Variants in DDC observed in about 807,000 individuals in gnomAD.
DDC encodes the protein aromatic-L-amino-acid decarboxylase.
A neutral mutation model predicts 60.0 loss-of-function variants in DDC; 43 were observed. That is an observed-to-expected ratio of 0.72 (90% confidence interval 0.56 to 0.92). The LOEUF (loss-of-function observed/expected upper bound fraction) is 0.92, where lower values mean the gene tolerates loss of function less well. DDC is among the 40% of genes least tolerant of loss of function. The probability of loss-of-function intolerance (pLI) is 0.00; values close to 1 mark genes in which losing one functional copy is unlikely to be tolerated. For synonymous variants in DDC, 232 were observed against 234.6 expected, an observed-to-expected ratio of 0.99 and a Z score of 0.10; for missense variants, 573 against 620.2, an observed-to-expected ratio of 0.92 and a Z score of 0.81.
chr7:50,499,088 G>C, intron 8 of DDC, 60 bp downstream of exon 8: 2 of 1,275,368 alleles, frequency 1.6e-6, no homozygotes, highest in Non-Finnish European at 2.3e-6. Context: ...CTCATGAAGG[G>C]AGAGGTCAAT....
intron 6 of DDC, among the ~76,000 whole-genome samples, chr7:50,508,695 A>G (rs1243214496): frequency 3.9e-5 from 6 of 152,210 alleles, no homozygotes; most frequent in African/African-American, 1.4e-4. Context: ...GAATATAATG[A>G]AGACCATGTG....
rs2042460966 is a variant in DDC, at chr7:50,468,876, G to A, written c.1140+1197C>T. On this transcript the variant is annotated intron_variant, in intron 12 of 14. Transcript: ENST00000444124. ...AACAGCAGCAGGCCTTCTGCAGCTG[G>A]CTAAACGGGTGGCTCTAGGCAGATC... 2.0e-5 allele frequency among the ~76,000 whole-genome samples: 3 copies of A among 151,890 alleles called. No homozygotes were observed. In the South Asian group the frequency reaches 6.2e-4, roughly 32 times the overall value.
chr7:50,510,578 A>T (rs1195543957), intron 6 of DDC, among the ~76,000 whole-genome samples: 1 of 151,146 alleles, frequency 6.6e-6, no homozygotes. Context: ...CTGAGGCAGG[A>T]GAATCACTTG....
chr7:50,473,852 C>T (rs760882883), intron 11 of DDC, among the ~76,000 whole-genome samples: 4 of 152,220 alleles, frequency 2.6e-5, no homozygotes, highest in Non-Finnish European at 4.4e-5. Context: ...GCTGGAGGAT[C>T]GAGGTGTCTC....
Position 50,529,196 on chromosome 7 carries a change from C to A in DDC, c.570+12G>T. ...CTTGAAGTCTTGGCTGATACCCCCA[C>A]AACACACTCACCTGATCGGATGAGT... is the stretch of plus-strand genomic sequence containing the variant. On this transcript the variant is annotated intron_variant, in intron 5 of 14. Transcript: ENST00000444124. 2 of 1,612,854 alleles carry A rather than the reference C, an allele frequency of 1.2e-6. No homozygotes were observed. The highest frequency in any genetic ancestry group is 2.2e-5 in the East Asian group (1 of 44,866).
At chr7:50,548,279 C>A (rs1232526000) in intron 1 of DDC, among the ~76,000 whole-genome samples, 1 of 152,160 alleles carries the variant, frequency 6.6e-6, no homozygotes, top group African/African-American at 2.4e-5. Flanking sequence ...GTATGTCTCT[C>A]ACTTTAAATC....
At chr7:50,515,162 G>T (rs1022225792) in intron 6 of DDC, among the ~76,000 whole-genome samples, 5 of 152,196 alleles carry the variant, frequency 3.3e-5, no homozygotes, top group Middle Eastern at 3.2e-3. Context: ...TGAGACAGAA[G>T]CACCAGGTTA....
chr7:50,509,477 A>G (rs909226783), intron 6 of DDC, among the ~76,000 whole-genome samples: 3 of 152,218 alleles, frequency 2.0e-5, no homozygotes, highest in African/African-American at 7.2e-5. Flanking sequence ...CCCTCGGCCC[A>G]ACTTGCTCCA....
rs369999509 is a variant in DDC, at chr7:50,499,290, C to T, written c.782-48G>A. 359 of 1,352,292 alleles carry T rather than the reference C, an allele frequency of 2.7e-4. 1 individual carries two copies. The African/African-American group carries it at 3.4e-3, about 13-fold the overall frequency. The allele number at this position is 1,352,292 out of a possible 1,614,324, so 83.8% of individuals were successfully genotyped here. A position where few individuals can be genotyped will look rare whatever the true frequency, so the allele number is the denominator to read the frequency against. The stretch of plus-strand genomic sequence containing the variant: ...GAGTCCCCAGATGGATGCCTCACCA[C>T]GGAGCCTGCCAGCTGACCTCGCCCT... On this transcript the variant is annotated intron_variant, in intron 7 of 14. Transcript: ENST00000444124.
At chr7:50,466,258 G>T (rs11575534) in intron 13 of DDC, among the ~76,000 whole-genome samples, 77,201 of 151,866 alleles carry the variant, frequency 0.51, 20,130 homozygotes, top group Admixed American at 0.6. Context: ...GAGAGGCTGA[G>T]GCGGGTGGAT....
intron 14 of DDC, among the ~76,000 whole-genome samples, chr7:50,462,226 C>CAAAAAAAAAAAAAAAAAAACA (rs2042290886): frequency 1.3e-5 from 1 of 75,380 alleles, no homozygotes; most frequent in African/African-American, 5.5e-5. Context: ...GACAAAAAGA[C>CAAAAAAAAAAAAAAAAAAACA]AAAAAAAAAA....
chr7:50,507,807 G>T (rs930903723), intron 6 of DDC, among the ~76,000 whole-genome samples: 2 of 152,100 alleles, frequency 1.3e-5, no homozygotes, highest in Non-Finnish European at 2.9e-5. Context: ...TGTTCTTTGC[G>T]GCTAACTCTG....
At chr7:50,537,080 A>G (rs1313966993) in intron 4 of DDC, among the ~76,000 whole-genome samples, 1 of 146,972 alleles carries the variant, frequency 6.8e-6, no homozygotes, top group Non-Finnish European at 1.5e-5. Context: ...AAGTCATCCC[A>G]GTGCCATTTG....
intron 10 of DDC, among the ~76,000 whole-genome samples, chr7:50,476,965 C>T (rs11575483): frequency 7.2e-5 from 11 of 152,174 alleles, no homozygotes; most frequent in Non-Finnish European, 1.5e-4. Context: ...GCATTCAGAT[C>T]ACGTAAATCG....
chr7:50,505,087 C>T (rs947352268), intron 6 of DDC, among the ~76,000 whole-genome samples: 1 of 152,204 alleles, frequency 6.6e-6, no homozygotes, highest in East Asian at 1.9e-4. Flanking sequence ...CGGCCTCTCC[C>T]GAGCTCTGAG....
chr7:50,459,574 ATTG>A (rs2042207493), intron 14 of DDC: 1 of 134,098 alleles, frequency 7.5e-6, no homozygotes, highest in African/African-American at 4.0e-5. Flanking sequence ...CCGGCCGCCC[ATTG>A]TCTGAGATGT....
chr7:50,537,317 C>G (rs2044449388), intron 4 of DDC, among the ~76,000 whole-genome samples: 1 of 152,212 alleles, frequency 6.6e-6, no homozygotes, highest in Non-Finnish European at 1.5e-5. Context: ...CCTGTGCTGT[C>G]CTCCGAGGAA....
chr7:50,534,730 T>A (rs754351029), intron 4 of DDC, among the ~76,000 whole-genome samples: 1 of 152,024 alleles, frequency 6.6e-6, no homozygotes, highest in Non-Finnish European at 1.5e-5. Flanking sequence ...TTGTAAAGGG[T>A]TAGACCATGC....
In DDC at chr7:50,529,250, C is replaced by A. The variant is rs748086068; in HGVS notation, c.528G>T (p.Gln176His). The change falls in exon 5 of 15, where the codon CAG (glutamine) becomes CAT (histidine). Residue 176 changes from glutamine to histidine, a missense_variant. Transcript: ENST00000444124. Reference protein sequence around the residue: ...RLQAASPELTQAAIMEKLVAY... With the variant: ...RLQAASPELTHAAIMEKLVAY... ...CCACCAGCTTCTCCATGATAGCGGCCTGTGTGAGCTCTGGGGACGCTGCCT... is the reference window on the plus strand; with the variant it reads ...CCACCAGCTTCTCCATGATAGCGGCATGTGTGAGCTCTGGGGACGCTGCCT... 2 of 1,613,834 alleles carry A rather than the reference C, an allele frequency of 1.2e-6. No homozygotes were observed. Among genetic ancestry groups the A allele is most frequent in the East Asian group, 4.5e-5 (2 of 44,888 alleles).
Sources: allele counts gnomAD v4.1 joint callset (sites outside exome capture counted in the v4.1 genomes callset), GRCh38; gene constraint gnomAD v4.1.1; transcripts MANE v1.5; gene names NCBI Gene and HGNC (gene_info 2026-07-23, HGNC 2026-07-21).